The following NFAT5 variants were observed in gnomAD, a reference collection of about 807,000 sequenced individuals.
The protein encoded by NFAT5 is nuclear factor of activated T-cells 5.
In NFAT5, 31 loss-of-function variants were observed where a neutral mutation model predicts 166.5. That is an observed-to-expected ratio of 0.19 (90% CI 0.14 to 0.25). NFAT5 has a LOEUF of 0.25. Among genes scored for constraint, NFAT5 ranks in the 10% least tolerant of loss-of-function variants. The pLI is 1.00. For missense variants in NFAT5, 1,449 were observed against 1,821.8 expected (o/e 0.80, Z 3.72); for synonymous variants, 612 against 639.7 (o/e 0.96, Z 0.65).
At chr16:69,600,750 G>A (rs1229939813) in intron 2 of NFAT5, among the ~76,000 whole-genome samples, 2 of 121,572 alleles carry the variant, frequency 1.6e-5, no homozygotes, top group Non-Finnish European at 3.3e-5. Flanking sequence ...AAGCTGATAA[G>A]GAATACTTTG....
chr16:69,685,192 T>TA (rs1567606686), intron 11 of NFAT5: 55 of 82,224 alleles, frequency 6.7e-4, no homozygotes, highest in South Asian at 2.1e-3. Context: ...ATATATATAT[T>TA]TTTTTTTTTA....
chr16:69,583,883 G>GAAT (rs911701670), intron 2 of NFAT5, among the ~76,000 whole-genome samples: 9 of 152,122 alleles, frequency 5.9e-5, no homozygotes, highest in Admixed American at 5.2e-4. Context: ...GTTTCAGTTG[G>GAAT]AATAATAATA....
chr16:69,566,047 C>T lies in NFAT5; in HGVS notation c.-255C>T, dbSNP rs2016004599. On this transcript the variant is annotated 5_prime_UTR_variant, in exon 1 of 15. Coordinates refer to ENST00000349945, the MANE Select transcript of NFAT5 (RefSeq NM_138713.4). This position sits in a 1 kb window ranked among gnomAD's most constrained non-coding sequence, Gnocchi z 5.7. Reference sequence around the variant, plus strand: ...AACACGAAACGGACCCTTTGGCTCTCCCCCTTCCCCTTCCCCGTCCTGAAC... The same window carrying T: ...AACACGAAACGGACCCTTTGGCTCTTCCCCTTCCCCTTCCCCGTCCTGAAC... 2.4e-6 allele frequency: 1 copy of T among 416,100 alleles called. No individual in the cohort carries two copies. The highest frequency in any genetic ancestry group is 3.5e-5 in the African/African-American group (1 of 28,920). The allele number at this position is 416,100 out of a possible 1,614,324, so 25.8% of individuals were successfully genotyped here. A position where few individuals can be genotyped will look rare whatever the true frequency, so the allele number is the denominator to read the frequency against.
intron 2 of NFAT5, among the ~76,000 whole-genome samples, chr16:69,624,474 G>A (rs1034829838): frequency 6.6e-6 from 1 of 152,224 alleles, no homozygotes; most frequent in Middle Eastern, 3.4e-3. Context: ...CCCAGTGTTG[G>A]GATTACAGGT....
At chr16:69,590,940 CT>C (rs1047676688) in intron 2 of NFAT5, among the ~76,000 whole-genome samples, 3 of 152,022 alleles carry the variant, frequency 2.0e-5, no homozygotes, top group Non-Finnish European at 4.4e-5. Flanking sequence ...ATTGTATTTT[CT>C]TTTTTCTTGA....
rs138151716 is a variant in NFAT5, at chr16:69,640,485, A to C, written c.254-6543A>C. Among the ~76,000 whole-genome samples the C allele has an allele frequency of 6.8e-3, 1,039 of 152,338 alleles. 9 individuals carry two copies. Among genetic ancestry groups the C allele is most frequent in the Non-Finnish European group, 0.01 (689 of 68,034 alleles). On this transcript the variant is annotated intron_variant, in intron 3 of 14. Coordinates refer to ENST00000349945, the MANE Select transcript of NFAT5 (RefSeq NM_138713.4). ...GGTTTGCAGCCACTTTGTGTGTTCTAGATATTTCAATCTCTTGGCAACATG... is the reference window on the plus strand; with the variant it reads ...GGTTTGCAGCCACTTTGTGTGTTCTCGATATTTCAATCTCTTGGCAACATG...
intron 2 of NFAT5, among the ~76,000 whole-genome samples, chr16:69,607,686 G>C (rs1277073231): frequency 6.6e-6 from 1 of 152,166 alleles, no homozygotes; most frequent in Admixed American, 6.5e-5. Flanking sequence ...TTCTCTTCTA[G>C]AGCACATTTG....
intron 2 of NFAT5, among the ~76,000 whole-genome samples, chr16:69,610,464 GTTTA>G (rs1436854825): frequency 2.0e-5 from 3 of 152,102 alleles, no homozygotes; most frequent in South Asian, 2.1e-4. Flanking sequence ...TCATTCATTT[GTTTA>G]TTTATTAAGC....
At chr16:69,626,168 G>C (rs959772920) in intron 2 of NFAT5, among the ~76,000 whole-genome samples, 6 of 149,810 alleles carry the variant, frequency 4.0e-5, no homozygotes, top group African/African-American at 1.5e-4. Flanking sequence ...GCCCAAACTC[G>C]TCTTTAATTC....
At chr16:69,618,399 C>G (rs1306705465) in intron 2 of NFAT5, among the ~76,000 whole-genome samples, 1 of 152,134 alleles carries the variant, frequency 6.6e-6, no homozygotes, top group East Asian at 1.9e-4. Context: ...CATTACCTAC[C>G]AGTTATTCTT....
intron 2 of NFAT5, among the ~76,000 whole-genome samples, chr16:69,607,628 A>C (rs2033484401): frequency 6.6e-6 from 1 of 152,206 alleles, no homozygotes; most frequent in Non-Finnish European, 1.5e-5. Flanking sequence ...CATACCTCTT[A>C]AGCATCTGCT....
chr16:69,693,620 C>G lies in NFAT5; in HGVS notation c.3795C>G (p.Ser1265=). 1 of 1,614,090 alleles carries G rather than the reference C, an allele frequency of 6.2e-7. No homozygotes were observed. The highest frequency in any genetic ancestry group is 8.5e-7 in the Non-Finnish European group (1 of 1,180,012). The part of the protein sequence containing the change: ...SIVAMQSNSP[S]QEQQQQQQQQ... ...TTGCCATGCAGAGTAACTCTCCATC[C>G]CAGGAACAGCAGCAGCAGCAGCAAC... Residue 1265 remains serine (S), a synonymous_variant, in exon 13 of 15, where the codon TCC becomes TCG. Transcript: ENST00000349945.
chr16:69,698,171 G>A lies in NFAT5; in HGVS notation c.*1820G>A, dbSNP rs959557488. The A allele has an allele frequency of 1.3e-5, 2 of 152,138 alleles. No individual in the cohort carries two copies. Among genetic ancestry groups the A allele is most frequent in the Non-Finnish European group, 2.9e-5 (2 of 67,966 alleles). 9.4% of individuals were successfully genotyped at this position (152,138 alleles called of 1,614,324 possible). On this transcript the variant is annotated 3_prime_UTR_variant, in exon 15 of 15. Coordinates refer to ENST00000349945, the MANE Select transcript of NFAT5 (RefSeq NM_138713.4). The stretch of plus-strand genomic sequence containing the variant: ...TGAGAGGCATTGAATTACGTTTTCA[G>A]TAGTACAGGCTTCTTGCCGATATGA...
chr16:69,596,949 A>G (rs1325723043), intron 2 of NFAT5, among the ~76,000 whole-genome samples: 1 of 152,136 alleles, frequency 6.6e-6, no homozygotes, highest in Non-Finnish European at 1.5e-5. Flanking sequence ...GAGGTGGGAA[A>G]CAAAGAGGAG....
At chr16:69,631,243 C>T (rs1484733329) in intron 3 of NFAT5, among the ~76,000 whole-genome samples, 1 of 152,032 alleles carries the variant, frequency 6.6e-6, no homozygotes, top group Non-Finnish European at 1.5e-5. Context: ...CCAGCCTGGC[C>T]AAGATGGTGA....
At position 69,702,059 on chromosome 16, in the gene NFAT5, C is replaced by T. The variant is rs968781603; in HGVS notation, c.*5708C>T. 3 of 152,568 alleles carry T rather than the reference C, an allele frequency of 2.0e-5. No homozygotes were observed. The highest frequency in any genetic ancestry group is 4.8e-5 in the African/African-American group (2 of 41,426). The allele number at this position is 152,568 out of a possible 1,614,324, so 9.5% of individuals were successfully genotyped here. On this transcript the variant is annotated 3_prime_UTR_variant, in exon 15 of 15. Coordinates refer to ENST00000349945, the MANE Select transcript of NFAT5 (RefSeq NM_138713.4). ...CAGCAACAGGTCAGGATAGTTCTAC[C>T]TTTGGGATAGGGCTGCTTTCCCCGT... is the stretch of plus-strand genomic sequence containing the variant.
rs1296584891 is a variant in NFAT5, at chr16:69,692,916, C to T, written c.3091C>T (p.His1031Tyr). Residue 1031 changes from histidine (H) to tyrosine (Y), a missense_variant, in exon 13 of 15, where the codon CAT becomes TAT. Physicochemically the swap from His to Tyr is moderately conservative, Grantham distance 83. Around this residue, in one of 7 missense-constraint regions of NFAT5, gnomAD observed 891 missense variants for 993.0 expected, o/e 0.90. Coordinates refer to ENST00000349945, the MANE Select transcript of NFAT5 (RefSeq NM_138713.4). ...SVFQTMVQMQ[H>Y]SGDNQPQVNL... ...CTTTCAGACCATGGTCCAAATGCAA[C>T]ATAGTGGGGACAATCAACCTCAAGT... is the stretch of plus-strand genomic sequence containing the variant. 1 of 1,614,054 alleles carries T rather than the reference C, an allele frequency of 6.2e-7. No individual in the cohort carries two copies. Among genetic ancestry groups the T allele is most frequent in the African/African-American group, 1.3e-5 (1 of 74,922 alleles).
At position 69,692,509 on chromosome 16, in the gene NFAT5, C is replaced by A. The variant is rs764512084; in HGVS notation, c.2684C>A (p.Ser895Tyr). 1 of 1,614,134 alleles carries A rather than the reference C, an allele frequency of 6.2e-7. No individual in the cohort carries two copies. Among genetic ancestry groups the A allele is most frequent in the Non-Finnish European group, 8.5e-7 (1 of 1,180,034 alleles). Residue 895 changes from serine (S) to tyrosine (Y), a missense_variant, in exon 13 of 15, where the codon TCT becomes TAT. Coordinates refer to ENST00000349945, the MANE Select transcript of NFAT5 (RefSeq NM_138713.4). ...CATCCACAGTCTGAAAACACGTTAT[C>A]TAATCAACAGCAGCAGCAGCAGCAG... is the stretch of plus-strand genomic sequence containing the variant. ...SVHPQSENTL[S>Y]NQQQQQQQQQ...
chr16:69,679,036 C>T (rs2036946949), intron 10 of NFAT5, among the ~76,000 whole-genome samples: 1 of 152,002 alleles, frequency 6.6e-6, no homozygotes, highest in South Asian at 2.1e-4. Flanking sequence ...CAGGTTCAAG[C>T]GATTTTCCTA....
Sources: gnomAD v4.1 joint callset for allele counts (sites outside exome capture counted in the v4.1 genomes callset) on GRCh38, gnomAD v4.1.1 for gene constraint, gnomAD v4.1.1 regional missense constraint, Gnocchi (gnomAD v3.1) non-coding constraint, MANE v1.5 for transcripts, NCBI Gene and HGNC (gene_info 2026-07-23, HGNC 2026-07-21) for gene names.